The following BTRC variants were observed in gnomAD, a reference collection of about 807,000 sequenced individuals.
BTRC encodes the protein F-box/WD repeat-containing protein 1A.
Under a neutral mutation model 85.5 loss-of-function variants are expected in BTRC, and 42 were observed. The observed-to-expected ratio is 0.49, with a 90% CI of 0.38 to 0.64. The LOEUF is 0.64. BTRC is among the 30% of genes least tolerant of loss of function. The pLI, the probability that BTRC is intolerant of heterozygous loss-of-function variation, is 0.00. For synonymous variants in BTRC, 255 were observed against 263.3 expected (o/e 0.97, Z 0.30); for missense variants, 594 against 743.5 (o/e 0.80, Z 2.34).
chr10:101,518,249 C>T (rs1187455094), intron 4 of BTRC, among the ~76,000 whole-genome samples: 1 of 152,084 alleles, frequency 6.6e-6, no homozygotes, highest in Non-Finnish European at 1.5e-5. Context: ...TATTTATGTC[C>T]CATATAGTTT....
intron 3 of BTRC, among the ~76,000 whole-genome samples, chr10:101,472,934 G>A (rs1322314214): frequency 6.6e-6 from 1 of 151,986 alleles, no homozygotes; most frequent in Non-Finnish European, 1.5e-5. Flanking sequence ...TATATGTGTT[G>A]TTTTCTTTGT....
At chr10:101,471,347 C>G (rs1018885010) in intron 3 of BTRC, among the ~76,000 whole-genome samples, 3 of 152,106 alleles carry the variant, frequency 2.0e-5, no homozygotes, top group Non-Finnish European at 4.4e-5. Flanking sequence ...TATGATCACA[C>G]CACTGCACTC....
intron 3 of BTRC, among the ~76,000 whole-genome samples, chr10:101,465,825 T>G (rs1023264301): frequency 1.3e-4 from 20 of 152,198 alleles, no homozygotes; most frequent in African/African-American, 4.8e-4. Context: ...TGGAAGAGTT[T>G]GGGGTAGGGA....
At position 101,532,451 on chromosome 10, in the gene BTRC, T is replaced by G; in HGVS notation, c.978+19T>G. Reference sequence around the variant, plus strand: ...AATCAAGGTGAGGTCTATTCAGTTGTAGAAAGGTAGCAGAGGGAGCAAGAG... The same window carrying G: ...AATCAAGGTGAGGTCTATTCAGTTGGAGAAAGGTAGCAGAGGGAGCAAGAG... On this transcript the variant is annotated intron_variant, in intron 8 of 14. Coordinates refer to ENST00000370187, the MANE Select transcript of BTRC (RefSeq NM_033637.4). 1 of 1,593,910 alleles carries G rather than the reference T, an allele frequency of 6.3e-7. No individual in the cohort carries two copies. Among genetic ancestry groups the G allele is most frequent in the Non-Finnish European group, 8.5e-7 (1 of 1,170,694 alleles).
At chr10:101,370,091 A>G (rs1274864923) in intron 1 of BTRC, among the ~76,000 whole-genome samples, 6 of 152,086 alleles carry the variant, frequency 3.9e-5, no homozygotes, top group Non-Finnish European at 8.8e-5. Flanking sequence ...TACCTGCCAT[A>G]TTTCTGTATG....
chr10:101,499,531 A>G (rs1589555725), intron 4 of BTRC, among the ~76,000 whole-genome samples: 1 of 151,928 alleles, frequency 6.6e-6, no homozygotes, highest in African/African-American at 2.4e-5. Context: ...CTTGGCCACT[A>G]TGCAGTACTA....
intron 13 of BTRC, among the ~76,000 whole-genome samples, chr10:101,540,574 A>G (rs186490939): frequency 9.9e-5 from 15 of 152,198 alleles, no homozygotes; most frequent in African/African-American, 4.8e-5. Context: ...GTCTTTTTCA[A>G]AGTTTTTTGG....
chr10:101,442,660 T>C (rs980437174), intron 2 of BTRC, among the ~76,000 whole-genome samples: 1 of 152,174 alleles, frequency 6.6e-6, no homozygotes, highest in African/African-American at 2.4e-5. Flanking sequence ...TGGTGGGTCA[T>C]CTTTTTTCTC....
At chr10:101,456,018 A>ACACACACAC (rs60361192) in intron 2 of BTRC, among the ~76,000 whole-genome samples, 19 of 150,212 alleles carry the variant, frequency 1.3e-4, no homozygotes, top group South Asian at 2.1e-4. Context: ...ACACACACAC[A>ACACACACAC]AAATTAGCTG....
chr10:101,438,981 A>G (rs932740284), intron 2 of BTRC, among the ~76,000 whole-genome samples: 23 of 152,206 alleles, frequency 1.5e-4, no homozygotes, highest in Non-Finnish European at 3.2e-4. Context: ...ATTTTGGTGA[A>G]TAGAAGCCAG....
intron 4 of BTRC, among the ~76,000 whole-genome samples, chr10:101,515,049 G>A (rs180824887): frequency 1.5e-3 from 229 of 152,060 alleles, no homozygotes; most frequent in African/African-American, 5.0e-3. Context: ...TCCACCTCCC[G>A]GGTTCAAGCA....
Position 101,479,360 on chromosome 10 carries a change from C to A in BTRC, c.235-8C>A. The A allele has an allele frequency of 6.2e-7, 1 of 1,607,972 alleles. No individual in the cohort carries two copies. The highest frequency in any genetic ancestry group is 1.1e-5 in the South Asian group (1 of 90,688). On this transcript the variant is annotated splice_polypyrimidine_tract_variant and splice_region_variant and intron_variant, in intron 3 of 14. Coordinates refer to ENST00000370187, the MANE Select transcript of BTRC (RefSeq NM_033637.4). ...TAAAAACCTGTTTCCAACAAATTCT[C>A]TTTACAGACATACAACAGCTGTGCC...
chr10:101,556,764 C>T lies in BTRC; in HGVS notation c.*3641C>T. 6.6e-6 allele frequency: 1 copy of T among 152,340 alleles called. No individual in the cohort carries two copies. The highest frequency in any genetic ancestry group is 1.5e-5 in the Non-Finnish European group (1 of 68,034). 9.4% of individuals were successfully genotyped at this position (152,340 alleles called of 1,614,324 possible). On this transcript the variant is annotated 3_prime_UTR_variant, in exon 15 of 15. Transcript: ENST00000370187. ...CTTAATGCATTGATCTTTAGAAGCT[C>T]CTTCTGTTGGAAGTTGAGTACCTGT...
At chr10:101,385,618 CT>C (rs36030307) in intron 1 of BTRC, among the ~76,000 whole-genome samples, 7 of 79,800 alleles carry the variant, frequency 8.8e-5, no homozygotes, top group African/African-American at 2.6e-4. Flanking sequence ...TCTTCTTCTT[CT>C]TTTTTTTTTT....
chr10:101,505,806 T>C lies in BTRC; in HGVS notation c.325-15833T>C, dbSNP rs2134309285. On this transcript the variant is annotated intron_variant, in intron 4 of 14. Transcript: ENST00000370187. ...TTTAGAAAATGAATTAAACATTCTTTGCTTGACCCCCCCCATAGATCTTTA... is the reference window on the plus strand; with the variant it reads ...TTTAGAAAATGAATTAAACATTCTTCGCTTGACCCCCCCCATAGATCTTTA... Among the ~76,000 whole-genome samples the C allele has an allele frequency of 3.9e-5, 6 of 152,256 alleles. No individual in the cohort carries two copies. The Middle Eastern group carries it at 0.02, about 518-fold the overall frequency.
chr10:101,474,173 T>A (rs1261207925), intron 3 of BTRC, among the ~76,000 whole-genome samples: 1 of 152,204 alleles, frequency 6.6e-6, no homozygotes, highest in Non-Finnish European at 1.5e-5. Context: ...TTTAGTAATT[T>A]TTGATCATAT....
chr10:101,370,119 G>GT (rs992387522), intron 1 of BTRC, among the ~76,000 whole-genome samples: 5 of 152,106 alleles, frequency 3.3e-5, no homozygotes, highest in South Asian at 2.1e-4. Context: ...CCCTTATCCT[G>GT]TTTTTTTGTT....
intron 1 of BTRC, among the ~76,000 whole-genome samples, chr10:101,415,060 A>G (rs1416615880): frequency 3.9e-5 from 6 of 152,322 alleles, no homozygotes; most frequent in Non-Finnish European, 7.3e-5. Context: ...GTAGTGTACA[A>G]TAATGTCCTA....
At chr10:101,479,239 C>T in intron 3 of BTRC, 129 bp from the exon 4 acceptor site, 1 of 626,492 alleles carries the variant, frequency 1.6e-6, no homozygotes, top group Non-Finnish European at 2.7e-6. Flanking sequence ...CCTCTCAGTT[C>T]CCATAAGTCT....
Sources: gnomAD v4.1 joint callset for allele counts (sites outside exome capture counted in the v4.1 genomes callset) on GRCh38, gnomAD v4.1.1 for gene constraint, MANE v1.5 for transcripts, NCBI Gene and HGNC (gene_info 2026-07-23, HGNC 2026-07-21) for gene names.